BMERB1: variants seen among roughly 807,000 people sequenced by gnomAD.
BMERB1 encodes the protein bMERB domain containing 1.
In BMERB1, 12 loss-of-function variants were observed where a neutral mutation model predicts 23.6. The observed-to-expected ratio is 0.51, with a 90% CI of 0.33 to 0.82. The LOEUF (loss-of-function observed/expected upper bound fraction) is 0.82, where lower values mean the gene tolerates loss of function less well. BMERB1 is among the 40% of genes least tolerant of loss of function. The pLI, the probability that BMERB1 is intolerant of heterozygous loss-of-function variation, is 0.03. For missense variants in BMERB1, 247 were observed against 255.4 expected (o/e 0.97, Z 0.22); for synonymous variants, 122 against 96.6 (o/e 1.26, Z -1.54).
chr16:15,465,800 T>C (rs1253443633), intron 1 of BMERB1, among the ~76,000 whole-genome samples: 1 of 152,270 alleles, frequency 6.6e-6, no homozygotes, highest in Non-Finnish European at 1.5e-5. Flanking sequence ...TTGCTTTTAC[T>C]GTATTATGTG....
At chr16:15,443,214 C>T (rs1478974621) in intron 1 of BMERB1, among the ~76,000 whole-genome samples, 1 of 151,498 alleles carries the variant, frequency 6.6e-6, no homozygotes, top group East Asian at 1.9e-4. Flanking sequence ...CACCACTGGA[C>T]TCCAGCCTGA....
intron 2 of BMERB1, among the ~76,000 whole-genome samples, chr16:15,525,237 G>C (rs1394714867): frequency 6.6e-6 from 1 of 152,126 alleles, no homozygotes; most frequent in Non-Finnish European, 1.5e-5. Context: ...CTGGGACATG[G>C]GTCTTTTCCG....
chr16:15,457,996 A>C (rs1304645778), intron 1 of BMERB1, among the ~76,000 whole-genome samples: 3 of 152,306 alleles, frequency 2.0e-5, no homozygotes, highest in East Asian at 3.9e-4. Context: ...GAATTCACTC[A>C]CTATCACGAG....
chr16:15,438,746 T>TACC (rs2050910877), intron 1 of BMERB1, among the ~76,000 whole-genome samples: 1 of 152,184 alleles, frequency 6.6e-6, no homozygotes. Context: ...AGATGTGAGC[T>TACC]ACCATGCCTG....
intron 1 of BMERB1, among the ~76,000 whole-genome samples, chr16:15,514,205 C>T (rs999478322): frequency 3.3e-5 from 5 of 152,020 alleles, no homozygotes; most frequent in Admixed American, 6.6e-5. Flanking sequence ...GGGTTCGAGG[C>T]GGCAGTGAGC....
intron 1 of BMERB1, among the ~76,000 whole-genome samples, chr16:15,510,628 A>G (rs925893868): frequency 1.3e-5 from 2 of 152,274 alleles, no homozygotes; most frequent in Admixed American, 6.5e-5. Context: ...CTGGAACTCA[A>G]ACCCAGGCCA....
chr16:15,493,086 C>G (rs2051437951), intron 1 of BMERB1, among the ~76,000 whole-genome samples: 1 of 152,116 alleles, frequency 6.6e-6, no homozygotes, highest in African/African-American at 2.4e-5. Flanking sequence ...GCAGGCTGGG[C>G]TCATGCCTGT....
intron 1 of BMERB1, among the ~76,000 whole-genome samples, chr16:15,472,112 T>G (rs1315269429): frequency 6.6e-6 from 1 of 152,214 alleles, no homozygotes; most frequent in Non-Finnish European, 1.5e-5. Context: ...TCCATTATGG[T>G]CAGGGAATAT....
At chr16:15,569,174 C>T (rs1398677019) in intron 3 of BMERB1, among the ~76,000 whole-genome samples, 1 of 151,956 alleles carries the variant, frequency 6.6e-6, no homozygotes, top group Non-Finnish European at 1.5e-5. Flanking sequence ...TGAGATCTCA[C>T]CACTGCACTT....
intron 2 of BMERB1, among the ~76,000 whole-genome samples, chr16:15,520,618 G>A (rs896442256): frequency 1.3e-5 from 2 of 151,738 alleles, no homozygotes; most frequent in African/African-American, 4.8e-5. Context: ...CGAGTAGCTG[G>A]GACTACAGGC....
At chr16:15,443,921 A>C (rs2050963478) in intron 1 of BMERB1, among the ~76,000 whole-genome samples, 1 of 151,832 alleles carries the variant, frequency 6.6e-6, no homozygotes, top group African/African-American at 2.4e-5. Context: ...CCAAAAACAA[A>C]AAAAAAAGTG....
chr16:15,539,841 CAAAA>C (rs377514039), intron 2 of BMERB1, among the ~76,000 whole-genome samples: 1 of 120,238 alleles, frequency 8.3e-6, no homozygotes, highest in African/African-American at 3.0e-5. Flanking sequence ...GATTCCGTCT[CAAAA>C]AAAAAAAAAG....
At chr16:15,560,787 CA>C (rs1226891605) in intron 2 of BMERB1, among the ~76,000 whole-genome samples, 6 of 150,376 alleles carry the variant, frequency 4.0e-5, no homozygotes, top group African/African-American at 1.5e-4. Context: ...AGCCAGACTC[CA>C]TCTCAAAATA....
chr16:15,447,747 C>T (rs1224104384), intron 1 of BMERB1, among the ~76,000 whole-genome samples: 5 of 151,944 alleles, frequency 3.3e-5, no homozygotes, highest in South Asian at 4.1e-4. Flanking sequence ...TTTCTGGAGG[C>T]GTGCATGAGC....
intron 2 of BMERB1, among the ~76,000 whole-genome samples, chr16:15,518,431 G>A (rs1392405186): frequency 6.6e-6 from 1 of 152,146 alleles, no homozygotes; most frequent in Non-Finnish European, 1.5e-5. Context: ...TGTGTAGCTT[G>A]CCCAGTGGTG....
intron 2 of BMERB1, among the ~76,000 whole-genome samples, chr16:15,547,186 AT>A (rs1411590099): frequency 6.8e-6 from 1 of 146,662 alleles, no homozygotes; most frequent in African/African-American, 2.5e-5. Flanking sequence ...TAATTTTTGT[AT>A]TTTTTGTAGA....
intron 2 of BMERB1, among the ~76,000 whole-genome samples, chr16:15,558,603 A>G (rs1170645850): frequency 1.3e-5 from 2 of 152,126 alleles, no homozygotes; most frequent in African/African-American, 4.8e-5. Context: ...CTGAAAAACA[A>G]CTTTAAGCAA....
chr16:15,479,701 T>C (rs1440780964), intron 1 of BMERB1, among the ~76,000 whole-genome samples: 3 of 152,086 alleles, frequency 2.0e-5, no homozygotes, highest in Non-Finnish European at 4.4e-5. Flanking sequence ...CACTAAAAAT[T>C]TTTTGTTTTG....
Position 15,494,045 on chromosome 16 carries a change from AG to A in BMERB1, c.107-21259del, listed in dbSNP as rs1156581234. On this transcript the variant is annotated intron_variant, in intron 1 of 5. Coordinates refer to ENST00000300006, the MANE Select transcript of BMERB1 (RefSeq NM_033201.3). The stretch of plus-strand genomic sequence containing the variant: ...ATTGGAAGAATTAGGGAGTCGGTTA[AG>A]ATGCATGAATCATAGCTCAGGATAG... 2.6e-5 allele frequency among the ~76,000 whole-genome samples: 4 copies of A among 152,180 alleles called. No individual in the cohort carries two copies. The East Asian group carries it at 7.7e-4, about 29-fold the overall frequency.
Sources: allele counts gnomAD v4.1 joint callset (sites outside exome capture counted in the v4.1 genomes callset), GRCh38; gene constraint gnomAD v4.1.1; transcripts MANE v1.5; gene names NCBI Gene and HGNC (gene_info 2026-07-23, HGNC 2026-07-21).